SLC25A48: variants seen among roughly 807,000 people sequenced by gnomAD.
The protein encoded by SLC25A48 is solute carrier family 25 member 48, also known as CTC-321K16.1.
SLC25A48 carries 29 observed loss-of-function variants against 32.2 expected under a neutral mutation model. The observed-to-expected ratio is 0.90, with a 90% CI of 0.67 to 1.23. The LOEUF (loss-of-function observed/expected upper bound fraction) is 1.23, where lower values mean the gene tolerates loss of function less well. SLC25A48 is among the 50% of genes most tolerant of loss of function. The pLI is 0.00. For missense variants in SLC25A48, 399 were observed against 422.7 expected (o/e 0.94, Z 0.49); for synonymous variants, 164 against 172.3 (o/e 0.95, Z 0.38).
At chr5:135,651,911 T>C (rs2126926203) in intron 3 of SLC25A48, among the ~76,000 whole-genome samples, 1 of 152,316 alleles carries the variant, frequency 6.6e-6, no homozygotes, top group Non-Finnish European at 1.5e-5. Context: ...GGGGAAGATA[T>C]ATATGGATGG....
intron 3 of SLC25A48, among the ~76,000 whole-genome samples, chr5:135,803,580 T>C (rs910510213): frequency 1.3e-5 from 2 of 151,898 alleles, no homozygotes; most frequent in Admixed American, 1.3e-4. Flanking sequence ...TTTGTAATAT[T>C]CTAGGGAGAT....
intron 1 of SLC25A48, among the ~76,000 whole-genome samples, chr5:135,621,210 AAT>A (rs1279371837): frequency 1.3e-5 from 2 of 152,206 alleles, no homozygotes; most frequent in African/African-American, 4.8e-5. Context: ...TAAATTGCTA[AAT>A]ATCTCTGGGC....
intron 1 of SLC25A48, among the ~76,000 whole-genome samples, chr5:135,838,349 G>A (rs1035884755): frequency 3.3e-5 from 5 of 152,216 alleles, no homozygotes; most frequent in African/African-American, 7.2e-5. Context: ...GTTTAAAAGC[G>A]AAGCAGATCA....
intron 3 of SLC25A48, among the ~76,000 whole-genome samples, chr5:135,660,844 G>T (rs1753379029): frequency 6.6e-6 from 1 of 152,206 alleles, no homozygotes; most frequent in South Asian, 2.1e-4. Flanking sequence ...GGGTGCTGCT[G>T]CTGCTGGTCC....
intron 3 of SLC25A48, among the ~76,000 whole-genome samples, chr5:135,760,761 A>G (rs1287951602): frequency 1.3e-5 from 2 of 152,164 alleles, no homozygotes; most frequent in Non-Finnish European, 2.9e-5. Context: ...TGAAGGAAAG[A>G]ATTAATCTCA....
At chr5:135,750,418 C>A (rs2127007885) in intron 3 of SLC25A48, among the ~76,000 whole-genome samples, 1 of 152,268 alleles carries the variant, frequency 6.6e-6, no homozygotes, top group South Asian at 2.1e-4. Flanking sequence ...GCCTTGATTC[C>A]CTCCTAGTGG....
At chr5:135,645,681 T>A (rs1318307316) in intron 3 of SLC25A48, among the ~76,000 whole-genome samples, 2 of 152,172 alleles carry the variant, frequency 1.3e-5, no homozygotes, top group Non-Finnish European at 2.9e-5. Context: ...GGACCCCACA[T>A]GAAACCTCTT....
intron 3 of SLC25A48, among the ~76,000 whole-genome samples, chr5:135,683,212 G>C (rs563129691): frequency 9.2e-5 from 14 of 152,308 alleles, no homozygotes; most frequent in African/African-American, 3.1e-4. Flanking sequence ...TATTGACCAA[G>C]GAATGGGGTG....
intron 1 of SLC25A48, among the ~76,000 whole-genome samples, chr5:135,618,169 C>T (rs1238002164): frequency 6.6e-6 from 1 of 152,018 alleles, no homozygotes; most frequent in Non-Finnish European, 1.5e-5. Flanking sequence ...ATACAATGAC[C>T]TTCTTTGTCT....
At chr5:135,823,797 C>A (rs1024818558) in intron 4 of SLC25A48, among the ~76,000 whole-genome samples, 24 of 152,254 alleles carry the variant, frequency 1.6e-4, no homozygotes, top group African/African-American at 5.8e-4. Context: ...GAAGTCACCA[C>A]CTAGGAGAAA....
intron 3 of SLC25A48, among the ~76,000 whole-genome samples, chr5:135,774,477 GATA>G (rs1466702172): frequency 6.6e-6 from 1 of 151,380 alleles, no homozygotes; most frequent in Non-Finnish European, 1.5e-5. Flanking sequence ...AAGGGGAGAG[GATA>G]ATATTACTCC....
At chr5:135,723,542 T>TAA (rs368363297) in intron 3 of SLC25A48, among the ~76,000 whole-genome samples, 1,853 of 134,430 alleles carry the variant, frequency 0.014, 35 homozygotes, top group African/African-American at 0.045. Context: ...TTTTTTTCAC[T>TAA]AAAAAAAAAA....
intron 3 of SLC25A48, among the ~76,000 whole-genome samples, chr5:135,704,141 G>T (rs956147222): frequency 6.6e-6 from 1 of 152,222 alleles, no homozygotes; most frequent in African/African-American, 2.4e-5. Flanking sequence ...GTTCTGGGCG[G>T]CAGAGGCTCA....
At chr5:135,753,753 TTGTACACCCTGTG>T (rs1755827635) in intron 3 of SLC25A48, among the ~76,000 whole-genome samples, 2 of 151,704 alleles carry the variant, frequency 1.3e-5, no homozygotes, top group African/African-American at 2.4e-5. Flanking sequence ...ATCACAGTGG[TTGTACACCCTGTG>T]TGTACACCCT....
chr5:135,648,181 C>G (rs1020350769), intron 3 of SLC25A48, among the ~76,000 whole-genome samples: 1 of 152,158 alleles, frequency 6.6e-6, no homozygotes, highest in Non-Finnish European at 1.5e-5. Context: ...CTTTGTCATT[C>G]TCTCCCAGGA....
intron 7 of SLC25A48, 56 bp downstream of exon 7, chr5:135,880,153 T>C: frequency 6.6e-7 from 1 of 1,505,182 alleles, no homozygotes. Context: ...AAACTTTTTT[T>C]TTTTTTTATC....
At chr5:135,713,310 T>C (rs186730323) in intron 3 of SLC25A48, among the ~76,000 whole-genome samples, 1 of 152,354 alleles carries the variant, frequency 6.6e-6, no homozygotes, top group East Asian at 1.9e-4. Context: ...CATTTCGTGT[T>C]AATGATGCTA....
At chr5:135,653,049 C>T (rs542879545) in intron 3 of SLC25A48, among the ~76,000 whole-genome samples, 18 of 152,324 alleles carry the variant, frequency 1.2e-4, no homozygotes, top group Admixed American at 9.8e-4. Context: ...GAGAACACAG[C>T]GTTCATCCTC....
chr5:135,835,571 C>T (rs1002650729), intron 1 of SLC25A48, among the ~76,000 whole-genome samples: 1 of 149,458 alleles, frequency 6.7e-6, no homozygotes, highest in African/African-American at 2.5e-5. Flanking sequence ...GTTGCCTGGG[C>T]GAGAGTTGCA....
Sources: allele counts gnomAD v4.1 joint callset (sites outside exome capture counted in the v4.1 genomes callset), GRCh38; gene constraint gnomAD v4.1.1; transcripts MANE v1.5; gene names NCBI Gene and HGNC (gene_info 2026-07-23, HGNC 2026-07-21).